Variants in ATP8B1 observed in about 807,000 individuals in gnomAD.
The protein encoded by ATP8B1 is phospholipid-transporting ATPase IC.
In ATP8B1, 80 loss-of-function variants were observed where a neutral mutation model predicts 149.9. The observed-to-expected ratio is 0.53, with a 90% confidence interval of 0.45 to 0.64. The LOEUF (loss-of-function observed/expected upper bound fraction) is 0.64. ATP8B1 is among the 30% of genes least tolerant of loss of function. The probability of loss-of-function intolerance (pLI) is 0.00; values close to 1 mark genes in which losing one functional copy is unlikely to be tolerated. For synonymous variants in ATP8B1, 536 were observed against 562.8 expected, an observed-to-expected ratio of 0.95 and a Z score of 0.67; for missense variants, 1,247 against 1,552.6, an observed-to-expected ratio of 0.80 and a Z score of 3.31.
intron 2 of ATP8B1, among the ~76,000 whole-genome samples, chr18:57,719,412 G>A (rs868521153): frequency 5.9e-5 from 9 of 152,182 alleles, no homozygotes; most frequent in South Asian, 4.1e-4. Flanking sequence ...CGCACTGTGC[G>A]CGAGCCGAAG....
chr18:57,716,159 C>G (rs1238789272), intron 2 of ATP8B1, among the ~76,000 whole-genome samples: 1 of 151,956 alleles, frequency 6.6e-6, no homozygotes, highest in Non-Finnish European at 1.5e-5. Flanking sequence ...ACAGTACTTA[C>G]AAGCCTCATG....
rs140219729 is a variant in ATP8B1, at chr18:57,731,428, G to A, written c.181+199C>T. The stretch of plus-strand genomic sequence containing the variant: ...TTTCTCTGCAGAACTTGTCAGATAT[G>A]CTCTCCCAGCCCTTCTTACTAAGGA... On this transcript the variant is annotated intron_variant, in intron 2 of 27. Transcript: ENST00000648908. The A allele has an allele frequency of 9.1e-5, 52 of 570,996 alleles. 1 individual carries two copies. The African/African-American group carries it at 1.0e-3, about 11-fold the overall frequency. 35.4% of individuals were successfully genotyped at this position (570,996 alleles called of 1,614,324 possible). A position where few individuals can be genotyped will look rare whatever the true frequency, so the allele number is the denominator to read the frequency against.
chr18:57,762,398 C>T (rs778608041), intron 1 of ATP8B1, among the ~76,000 whole-genome samples: 23 of 152,034 alleles, frequency 1.5e-4, no homozygotes, highest in Non-Finnish European at 3.2e-4. Flanking sequence ...GTCAGCCCCC[C>T]GAAGTGCTGA....
At chr18:57,742,263 A>G (rs963350920) in intron 1 of ATP8B1, among the ~76,000 whole-genome samples, 1 of 152,208 alleles carries the variant, frequency 6.6e-6, no homozygotes, top group African/African-American at 2.4e-5. Context: ...AAATGTATCT[A>G]AGATCTGCAT....
intron 1 of ATP8B1, among the ~76,000 whole-genome samples, chr18:57,766,202 C>T (rs1365098554): frequency 6.6e-6 from 1 of 151,548 alleles, no homozygotes; most frequent in Non-Finnish European, 1.5e-5. Flanking sequence ...TGCCACCACG[C>T]CTGGCTGATT....
At chr18:57,761,112 TATAAAATAAA>T (rs55658113) in intron 1 of ATP8B1, among the ~76,000 whole-genome samples, 43,332 of 133,270 alleles carry the variant, frequency 0.33, 7,338 homozygotes, top group Middle Eastern at 0.45. Flanking sequence ...TAAAATAAAA[TATAAAATAAA>T]ATAAAATAAA....
At chr18:57,698,342 TATTA>T (rs1268789288) in intron 6 of ATP8B1, among the ~76,000 whole-genome samples, 1 of 148,212 alleles carries the variant, frequency 6.7e-6, no homozygotes, top group East Asian at 2.0e-4. Flanking sequence ...ATTATTTATT[TATTA>T]ATTTTTTTTT....
chr18:57,800,906 G>A (rs1262776433), intron 1 of ATP8B1, among the ~76,000 whole-genome samples: 1 of 152,156 alleles, frequency 6.6e-6, no homozygotes, highest in East Asian at 1.9e-4. Flanking sequence ...AGCCAGATCT[G>A]GTAGTGACTC....
In ATP8B1 at chr18:57,692,439, T is replaced by A. The variant is rs1482200593; in HGVS notation, c.1030-442A>T. ...ATATTCAACAGATTTTTTTTTTTTT[T>A]TTTTTTTTTTTTTTTAGACAGCGTC... On this transcript the variant is annotated intron_variant, in intron 11 of 27. Transcript: ENST00000648908. Among the ~76,000 whole-genome samples the A allele has an allele frequency of 6.2e-5, 9 of 145,182 alleles. No homozygotes were observed. In the East Asian group the frequency reaches 1.6e-3, roughly 26 times the overall value.
intron 22 of ATP8B1, 70 bp downstream of exon 22, chr18:57,661,104 C>G: frequency 6.4e-7 from 1 of 1,574,462 alleles, no homozygotes; most frequent in Non-Finnish European, 8.6e-7. Flanking sequence ...GAAAATCCAC[C>G]CCCTACACAT....
chr18:57,755,842 C>T (rs1393885883), intron 1 of ATP8B1, among the ~76,000 whole-genome samples: 1 of 152,148 alleles, frequency 6.6e-6, no homozygotes, highest in Non-Finnish European at 1.5e-5. Flanking sequence ...CCAGCCATAA[C>T]ATAATTAACG....
intron 15 of ATP8B1, among the ~76,000 whole-genome samples, chr18:57,683,117 C>G (rs535255919): frequency 5.3e-5 from 8 of 152,278 alleles, no homozygotes; most frequent in African/African-American, 1.9e-4. Context: ...TGTGAGCCAC[C>G]AAGCGTTGGC....
At chr18:57,741,815 A>G (rs1389724317) in intron 1 of ATP8B1, among the ~76,000 whole-genome samples, 1 of 152,072 alleles carries the variant, frequency 6.6e-6, no homozygotes, top group Non-Finnish European at 1.5e-5. Context: ...AATCTTCTCT[A>G]TTTTCCTAGT....
chr18:57,660,675 C>T (rs937338421), intron 22 of ATP8B1, among the ~76,000 whole-genome samples: 2 of 152,114 alleles, frequency 1.3e-5, no homozygotes, highest in Admixed American at 6.5e-5. Context: ...TGCACCACCA[C>T]ACCTGGCTAA....
intron 6 of ATP8B1, among the ~76,000 whole-genome samples, chr18:57,698,502 G>T (rs546292684): frequency 7.9e-5 from 12 of 151,994 alleles, no homozygotes; most frequent in African/African-American, 2.2e-4. Context: ...GTGCCTTCAC[G>T]CCTGACTAAT....
chr18:57,654,004 C>T lies in ATP8B1; in HGVS notation c.3003G>A (p.Gly1001=). 9 of 1,613,754 alleles carry T rather than the reference C, an allele frequency of 5.6e-6. No homozygotes were observed. The highest frequency in any genetic ancestry group is 2.2e-5 in the East Asian group (1 of 44,876). The change falls in exon 24 of 28, where the codon GGG becomes GGA. Residue 1001 remains glycine (G), a synonymous_variant. Coordinates refer to ENST00000648908, the MANE Select transcript of ATP8B1 (RefSeq NM_001374385.1). ...LYTSLPVLLM[G]LLDQDVSDKL... ...GCGAGGCTCCTACCTGGTCGAGCAG[C>T]CCCATGAGGAGCACGGGCAGGCTGG...
chr18:57,761,038 A>C (rs1291951333), intron 1 of ATP8B1, among the ~76,000 whole-genome samples: 2 of 121,604 alleles, frequency 1.6e-5, no homozygotes, highest in African/African-American at 7.2e-5. Flanking sequence ...AAAATAAAAT[A>C]AATAAAATAA....
intron 13 of ATP8B1, among the ~76,000 whole-genome samples, chr18:57,686,588 T>C (rs1046884388): frequency 2.6e-5 from 4 of 152,008 alleles, no homozygotes; most frequent in African/African-American, 7.2e-5. Flanking sequence ...GCCCAGGTAA[T>C]TTTTGTACTT....
At chr18:57,773,038 A>G (rs1250861735) in intron 1 of ATP8B1, among the ~76,000 whole-genome samples, 2 of 151,906 alleles carry the variant, frequency 1.3e-5, no homozygotes, top group African/African-American at 4.8e-5. Flanking sequence ...ACAAATCTCT[A>G]CTAAAAATAC....
Sources: allele counts gnomAD v4.1 joint callset (sites outside exome capture counted in the v4.1 genomes callset), GRCh38; gene constraint gnomAD v4.1.1; transcripts MANE v1.5; gene names NCBI Gene and HGNC (gene_info 2026-07-23, HGNC 2026-07-21).